EPHB6: variants seen among roughly 807,000 people sequenced by gnomAD.
EPHB6 encodes the protein EPH receptor B6.
A neutral mutation model predicts 107.0 loss-of-function variants in EPHB6; 51 were observed. The ratio of observed to expected loss-of-function variants is 0.48; its 90% CI spans 0.38 to 0.60. The LOEUF (loss-of-function observed/expected upper bound fraction) is 0.60. Ranked by LOEUF, EPHB6 falls within the 20% of genes least tolerant of loss-of-function variation. The probability of loss-of-function intolerance (pLI) is 0.00; values close to 1 mark genes in which losing one functional copy is unlikely to be tolerated. For synonymous variants in EPHB6, 553 were observed against 549.0 expected, an observed-to-expected ratio of 1.01 and a Z score of -0.10; for missense variants, 1,141 against 1,355.5, an observed-to-expected ratio of 0.84 and a Z score of 2.48.
rs200341615 is a variant in EPHB6, at chr7:142,868,478, A to G, written c.2039-14A>G. On this transcript the variant is annotated splice_polypyrimidine_tract_variant and intron_variant, in intron 14 of 19. Transcript: ENST00000652003. This position sits in a 1 kb window ranked among gnomAD's most constrained non-coding sequence, Gnocchi z 4.2. Reference sequence around the variant, plus strand: ...AGCCTTGATCCCCACCCCAACCTACACCTATTTTCCCAGGCTCTTTTGGAG... The same window carrying G: ...AGCCTTGATCCCCACCCCAACCTACGCCTATTTTCCCAGGCTCTTTTGGAG... 1,444 of 1,613,852 alleles carry G rather than the reference A, an allele frequency of 8.9e-4. 21 individuals carry two copies. In the South Asian group the frequency reaches 0.01, roughly 11 times the overall value.
intron 1 of EPHB6, 112 bp from the exon 2 acceptor site, chr7:142,860,940 T>A (rs931243397): frequency 3.3e-5 from 5 of 152,208 alleles, no homozygotes; most frequent in Non-Finnish European, 5.9e-5. Flanking sequence ...GCCATATATA[T>A]CCAGGAAAAA....
Position 142,869,157 on chromosome 7 carries a change from C to A in EPHB6, c.2460+10C>A. 6.2e-7 allele frequency: 1 copy of A among 1,610,822 alleles called. No individual in the cohort carries two copies. The highest frequency in any genetic ancestry group is 8.5e-7 in the Non-Finnish European group (1 of 1,178,644). ...TGGCCACAGTCCTCAGGTGAGAGCACAGCCTTGGGGACACAGCCTGGGGCC... is the reference window on the plus strand; with the variant it reads ...TGGCCACAGTCCTCAGGTGAGAGCAAAGCCTTGGGGACACAGCCTGGGGCC... On this transcript the variant is annotated intron_variant, in intron 16 of 19. Transcript: ENST00000652003. The surrounding 1 kb of genome is among the most constrained non-coding windows in gnomAD (Gnocchi z 4.5).
intron 1 of EPHB6, among the ~76,000 whole-genome samples, chr7:142,860,445 A>G (rs370314375): frequency 7.0e-4 from 106 of 152,346 alleles, no homozygotes; most frequent in African/African-American, 2.5e-3. Flanking sequence ...GGATGCACTT[A>G]CAACATGAAT....
At chr7:142,856,452 G>C (rs1802616805) in intron 1 of EPHB6, among the ~76,000 whole-genome samples, 1 of 152,194 alleles carries the variant, frequency 6.6e-6, no homozygotes, top group Admixed American at 6.5e-5. Flanking sequence ...GGTGCAAAAA[G>C]ATGGTTGGCA....
intron 1 of EPHB6, among the ~76,000 whole-genome samples, chr7:142,857,319 C>T (rs765742198): frequency 2.6e-5 from 4 of 152,174 alleles, no homozygotes; most frequent in African/African-American, 4.8e-5. Context: ...CTAGAAGAGC[C>T]GGAGGACAGC....
chr7:142,870,478 A>G, intron 18 of EPHB6, 52 bp from the exon 19 acceptor site: 1 of 1,613,922 alleles, frequency 6.2e-7, no homozygotes, highest in Non-Finnish European at 8.5e-7. Flanking sequence ...AACTGAGGAG[A>G]GGGGCTAAGA....
chr7:142,863,496 A>G, intron 5 of EPHB6, 135 bp from the exon 6 acceptor site: 1 of 1,247,892 alleles, frequency 8.0e-7, no homozygotes, highest in South Asian at 1.2e-5. Flanking sequence ...AAGGACCCTG[A>G]TGGACAGCTG....
At position 142,864,296 on chromosome 7, in the gene EPHB6, TCC is replaced by T. The variant is rs1803013651; in HGVS notation, c.497_498del (p.Ser166PhefsTer158). ...DTIAADESFP[S>X]SSSSSSSSSS... ...AATTGCAGCAGACGAGAGCTTTCCC[TCC>T]TCCTCCTCCTCCTCCTCCTCCTCTT... On this transcript the variant is annotated frameshift_variant, in exon 7 of 20. Transcript: ENST00000652003. LOFTEE classifies it high-confidence loss of function. 0.023 allele frequency: 978 copies of T among 43,366 alleles called. 6 individuals are homozygous for T. Among genetic ancestry groups the T allele is most frequent in the Middle Eastern group, 0.13 (18 of 138 alleles). 2.7% of individuals were successfully genotyped at this position (43,366 alleles called of 1,614,324 possible).
chr7:142,867,765 T>C lies in EPHB6; in HGVS notation c.1865+43T>C, dbSNP rs775653424. On this transcript the variant is annotated intron_variant, in intron 12 of 19. Coordinates refer to ENST00000652003, the MANE Select transcript of EPHB6 (RefSeq NM_004445.6). This position sits in a 1 kb window ranked among gnomAD's most constrained non-coding sequence, Gnocchi z 5.3. ...CCCAACTCTGCCCAGCACCATTAACTCCACAGCCAAACCTCAAGTCCTGCC... is the reference window on the plus strand; with the variant it reads ...CCCAACTCTGCCCAGCACCATTAACCCCACAGCCAAACCTCAAGTCCTGCC... 2.6e-6 allele frequency: 4 copies of C among 1,552,016 alleles called. No individual in the cohort carries two copies. The African/African-American group carries it at 5.4e-5, about 21-fold the overall frequency.
chr7:142,862,720 C>G (rs533266683), intron 3 of EPHB6, 36 bp from the exon 4 acceptor site: 1 of 154,694 alleles, frequency 6.5e-6, no homozygotes, highest in East Asian at 1.9e-4. Context: ...TCTTAACCAG[C>G]TGCCTTTAAT....
chr7:142,859,148 C>A (rs1237031326), intron 1 of EPHB6, among the ~76,000 whole-genome samples: 2 of 8,306 alleles, frequency 2.4e-4, no homozygotes, highest in Non-Finnish European at 0.01. Context: ...CTGACCAGTT[C>A]CTTTTGTAAG....
Position 142,863,181 on chromosome 7 carries a change from G to A in EPHB6, c.-47G>A, listed in dbSNP as rs762101553. 6.5e-7 allele frequency: 1 copy of A among 1,541,976 alleles called. No homozygotes were observed. Among genetic ancestry groups the A allele is most frequent in the Admixed American group, 1.7e-5 (1 of 59,078 alleles). On this transcript the variant is annotated 5_prime_UTR_variant, in exon 5 of 20. Coordinates refer to ENST00000652003, the MANE Select transcript of EPHB6 (RefSeq NM_004445.6). ...TTGCAAAAGCTGCAGCCCCACCCAG[G>A]AGCAGGGTGGTGGCTGGGGCGATGG...
At chr7:142,861,454 A>T (rs893817933) in intron 2 of EPHB6, among the ~76,000 whole-genome samples, 3 of 152,246 alleles carry the variant, frequency 2.0e-5, no homozygotes, top group Non-Finnish European at 2.9e-5. Flanking sequence ...ATACAATGAA[A>T]GTTAAGTCTC....
In EPHB6 at chr7:142,869,053, G is replaced by C; in HGVS notation, c.2366G>C (p.Ser789Thr). 6.2e-7 allele frequency: 1 copy of C among 1,613,428 alleles called. No homozygotes were observed. Among genetic ancestry groups the C allele is most frequent in the Non-Finnish European group, 8.5e-7 (1 of 1,180,016 alleles). Residue 789 changes from serine (S) to threonine (T), a missense_variant, in exon 16 of 20, where the codon AGC (serine) becomes ACC (threonine). Physicochemically the swap from Ser to Thr is moderately conservative, Grantham distance 58. This residue lies in a region of EPHB6 where 616 missense variants were observed against 759.3 expected (regional missense o/e 0.81). Coordinates refer to ENST00000652003, the MANE Select transcript of EPHB6 (RefSeq NM_004445.6). The surrounding 1 kb of genome is among the most constrained non-coding windows in gnomAD (Gnocchi z 4.5). ...GVAAAMQYLSSFAFVHRSLSA... is the reference protein window; with the variant it reads ...GVAAAMQYLSTFAFVHRSLSA... ...GCTGCTGCCATGCAGTACCTGTCCAGCTTTGCCTTCGTCCATCGCTCGCTG... is the reference window on the plus strand; with the variant it reads ...GCTGCTGCCATGCAGTACCTGTCCACCTTTGCCTTCGTCCATCGCTCGCTG...
chr7:142,869,402 C>T lies in EPHB6; in HGVS notation c.2460+255C>T, dbSNP rs1372017351. On this transcript the variant is annotated intron_variant, in intron 16 of 19. Coordinates refer to ENST00000652003, the MANE Select transcript of EPHB6 (RefSeq NM_004445.6). This position sits in a 1 kb window ranked among gnomAD's most constrained non-coding sequence, Gnocchi z 4.5. ...CAATCTAGAACTACCTCCTGCCCTTCCCCCATTGTGGAGATTACACAGACT... is the reference window on the plus strand; with the variant it reads ...CAATCTAGAACTACCTCCTGCCCTTTCCCCATTGTGGAGATTACACAGACT... Among the ~76,000 whole-genome samples, 2 of 152,152 alleles carry T rather than the reference C, an allele frequency of 1.3e-5. No homozygotes were observed. The highest frequency in any genetic ancestry group is 2.4e-5 in the African/African-American group (1 of 41,426).
In EPHB6 at chr7:142,864,310, C is replaced by G. The variant is rs753854523; in HGVS notation, c.510C>G (p.Ser170=). ...ADESFPSSSS[S]SSSSSSSAAW... is the part of the protein sequence containing the mutation. Reference sequence around the variant, plus strand: ...AGAGCTTTCCCTCCTCCTCCTCCTCCTCCTCCTCCTCTTCTTCCTCTGCAG... The same window carrying G: ...AGAGCTTTCCCTCCTCCTCCTCCTCGTCCTCCTCCTCTTCTTCCTCTGCAG... Residue 170 remains serine (S), a synonymous_variant, in exon 7 of 20, where the codon TCC becomes TCG. Transcript: ENST00000652003. 1.2e-5 allele frequency: 19 copies of G among 1,613,332 alleles called. No individual in the cohort carries two copies. The highest frequency in any genetic ancestry group is 2.2e-5 in the South Asian group (2 of 91,064).
rs370220214 is a variant in EPHB6 at position 142,866,444 on chromosome 7, C to T, written c.1463-37C>T. On this transcript the variant is annotated intron_variant, in intron 9 of 19. Transcript: ENST00000652003. The surrounding 1 kb of genome is among the most constrained non-coding windows in gnomAD (Gnocchi z 5.2). ...TCAAGGCTGATCCTGCTCCCAGGGA[C>T]TCCTATCCCCATAATAATTTTCCTT... 2.0e-5 allele frequency: 33 copies of T among 1,613,606 alleles called. No homozygotes were observed. Among genetic ancestry groups the T allele is most frequent in the Non-Finnish European group, 2.7e-5 (32 of 1,179,998 alleles).
intron 1 of EPHB6, among the ~76,000 whole-genome samples, chr7:142,856,956 C>T (rs981242375): frequency 2.6e-5 from 4 of 152,352 alleles, no homozygotes; most frequent in African/African-American, 7.2e-5. Flanking sequence ...GCACTGCTGA[C>T]GCAGGTGCTA....
At chr7:142,862,902 G>A in intron 4 of EPHB6, 69 bp downstream of exon 4, 1 of 322,354 alleles carries the variant, frequency 3.1e-6, no homozygotes, top group Non-Finnish European at 5.7e-6. Flanking sequence ...TGAACACAGA[G>A]ACAGGGTCAC....
Sources: gnomAD v4.1 joint callset for allele counts (sites outside exome capture counted in the v4.1 genomes callset) on GRCh38, gnomAD v4.1.1 for gene constraint, gnomAD v4.1.1 regional missense constraint, Gnocchi (gnomAD v3.1) non-coding constraint, MANE v1.5 for transcripts, NCBI Gene and HGNC (gene_info 2026-07-23, HGNC 2026-07-21) for gene names.